The following PKHD1 variants were observed in gnomAD, a reference collection of about 807,000 sequenced individuals.
PKHD1 encodes the protein PKHD1 ciliary IPT domain containing fibrocystin/polyductin, also known as fibrocystin.
Under a neutral mutation model 412.0 loss-of-function variants are expected in PKHD1, and 291 were observed. The ratio of observed to expected loss-of-function variants is 0.71; its 90% CI spans 0.64 to 0.78. PKHD1 has a LOEUF of 0.78. PKHD1 is among the 30% of genes least tolerant of loss of function. PKHD1 has a pLI of 0.00. For synonymous variants in PKHD1, 1,777 were observed against 1,821.5 expected (o/e 0.98, Z 0.62); for missense variants, 4,825 against 4,950.7 (o/e 0.97, Z 0.76).
At chr6:51,794,889 T>C (rs1350197420) in intron 52 of PKHD1, among the ~76,000 whole-genome samples, 1 of 152,180 alleles carries the variant, frequency 6.6e-6, no homozygotes, top group Non-Finnish European at 1.5e-5. Context: ...TGTCTGTTCT[T>C]GTACCAGTAC....
chr6:52,059,483 A>G (rs1440913707), intron 15 of PKHD1, among the ~76,000 whole-genome samples: 1 of 151,898 alleles, frequency 6.6e-6, no homozygotes, highest in Non-Finnish European at 1.5e-5. Flanking sequence ...TCCTGGGCTC[A>G]AGTGATCTGC....
chr6:51,766,285 A>G (rs1562263345), intron 55 of PKHD1, among the ~76,000 whole-genome samples: 1 of 152,088 alleles, frequency 6.6e-6, no homozygotes, highest in African/African-American at 2.4e-5. Flanking sequence ...CATTTCACCA[A>G]CAGGGATCCT....
intron 60 of PKHD1, among the ~76,000 whole-genome samples, chr6:51,738,121 CAGCACGCGTGG>C (rs1784092438): frequency 6.6e-6 from 1 of 152,144 alleles, no homozygotes; most frequent in Admixed American, 6.5e-5. Context: ...GTTTGTGGGC[CAGCACGCGTGG>C]AGCAGCTACC....
At chr6:51,623,291 T>A (rs1766852931) in intron 66 of PKHD1, among the ~76,000 whole-genome samples, 1 of 152,162 alleles carries the variant, frequency 6.6e-6, no homozygotes, top group Non-Finnish European at 1.5e-5. Flanking sequence ...CTCTTTATAC[T>A]ATTTAATAAA....
intron 60 of PKHD1, among the ~76,000 whole-genome samples, chr6:51,672,968 G>A (rs993894826): frequency 2.6e-5 from 4 of 152,156 alleles, no homozygotes; most frequent in Non-Finnish European, 4.4e-5. Context: ...AAGCATACCT[G>A]ATAGAAATAC....
chr6:51,989,887 AGG>A, intron 35 of PKHD1, among the ~76,000 whole-genome samples: 2 of 39,222 alleles, frequency 5.1e-5, no homozygotes, highest in African/African-American at 1.5e-4. Flanking sequence ...GAGAAAAGGA[AGG>A]AAGGAAGGAG....
intron 33 of PKHD1, among the ~76,000 whole-genome samples, chr6:52,019,251 G>A (rs1055376752): frequency 6.6e-6 from 1 of 152,240 alleles, no homozygotes; most frequent in Non-Finnish European, 1.5e-5. Context: ...CGTGGGCTTA[G>A]ACCTGTGCTT....
At position 51,772,727 on chromosome 6, in the gene PKHD1, C is replaced by T. The variant is rs775559924; in HGVS notation, c.8617G>A (p.Ala2873Thr). 1.0e-5 allele frequency: 16 copies of T among 1,594,858 alleles called. No individual in the cohort carries two copies. Among genetic ancestry groups the T allele is most frequent in the Non-Finnish European group, 1.4e-5 (16 of 1,163,270 alleles). Residue 2873 changes from alanine (A) to threonine (T), a missense_variant, in exon 55 of 67, where the codon GCT (alanine) becomes ACT (threonine). Transcript: ENST00000371117. The stretch of plus-strand genomic sequence containing the variant: ...CTCTCATTTCCTGAGGCAATATCAG[C>T]TCCAAGATGTGTCCAGGAGTTCTTA... The part of the protein sequence containing the change: ...YPKNSWTHLG[A>T]DIASGNERII...
At chr6:51,736,611 T>C (rs534707134) in intron 60 of PKHD1, among the ~76,000 whole-genome samples, 1 of 152,316 alleles carries the variant, frequency 6.6e-6, no homozygotes, top group African/African-American at 2.4e-5. Flanking sequence ...TAAAGAGCTA[T>C]ATACCAAGCT....
At chr6:52,059,828 A>T (rs545947442) in intron 15 of PKHD1, 100 bp downstream of exon 15, 1 of 734,000 alleles carries the variant, frequency 1.4e-6, no homozygotes, top group African/African-American at 1.7e-5. Flanking sequence ...TGGCATGTTA[A>T]ACTATCTGTA....
At chr6:51,807,453 AAAAAAATATAT>A (rs1171942790) in intron 52 of PKHD1, among the ~76,000 whole-genome samples, 20 of 42,884 alleles carry the variant, frequency 4.7e-4, no homozygotes, top group South Asian at 3.8e-3. Flanking sequence ...AAAAAAAAAA[AAAAAAATATAT>A]ATATATATAT....
intron 60 of PKHD1, among the ~76,000 whole-genome samples, chr6:51,717,394 G>A (rs1042337073): frequency 4.0e-4 from 59 of 147,864 alleles, no homozygotes; most frequent in Admixed American, 9.4e-4. Flanking sequence ...TCTGGGGGTC[G>A]AGAGCAAAAC....
intron 49 of PKHD1, among the ~76,000 whole-genome samples, chr6:51,854,379 C>T (rs934671075): frequency 6.6e-6 from 1 of 152,126 alleles, no homozygotes; most frequent in Admixed American, 6.5e-5. Flanking sequence ...TGTCTGACAA[C>T]CTCTGTTGGA....
intron 37 of PKHD1, among the ~76,000 whole-genome samples, chr6:51,918,878 G>A (rs749139114): frequency 6.6e-6 from 1 of 151,550 alleles, no homozygotes; most frequent in Non-Finnish European, 1.5e-5. Context: ...ATGGTATATT[G>A]ACCAGTAATG....
chr6:51,722,375 T>C (rs1464438454), intron 60 of PKHD1, among the ~76,000 whole-genome samples: 4 of 152,208 alleles, frequency 2.6e-5, no homozygotes, highest in East Asian at 3.8e-4. Context: ...AGAAAGCTTA[T>C]ATAAACGAAA....
At chr6:51,866,454 C>A (rs1197186009) in intron 48 of PKHD1, among the ~76,000 whole-genome samples, 1 of 152,114 alleles carries the variant, frequency 6.6e-6, no homozygotes, top group Non-Finnish European at 1.5e-5. Context: ...GGGATCATGA[C>A]CTGCCAAGGC....
At chr6:51,710,166 C>T (rs1424524071) in intron 60 of PKHD1, among the ~76,000 whole-genome samples, 1 of 152,092 alleles carries the variant, frequency 6.6e-6, no homozygotes, top group African/African-American at 2.4e-5. Context: ...GCCAAGATGG[C>T]ACCACTGCAC....
intron 27 of PKHD1, among the ~76,000 whole-genome samples, chr6:52,036,065 T>G (rs1485624251): frequency 2.0e-5 from 3 of 152,144 alleles, no homozygotes; most frequent in Non-Finnish European, 4.4e-5. Context: ...TAAAACATAT[T>G]CTTTTCCTAA....
chr6:51,867,913 A>G lies in PKHD1; in HGVS notation c.7683T>C (p.His2561=). Residue 2561 remains histidine, a synonymous_variant, in exon 48 of 67, where the codon CAT becomes CAC. Transcript: ENST00000371117. The part of the protein sequence containing the change: ...LVNSSFGRVV[H]GSACGGGVLF... ...GAACACCTCCTCCACAGGCACTGCC[A>G]TGGACAACCCGACCAAAGCTTGAAT... is the stretch of plus-strand genomic sequence containing the variant. 6.2e-7 allele frequency: 1 copy of G among 1,613,220 alleles called. No individual in the cohort carries two copies. Among genetic ancestry groups the G allele is most frequent in the Non-Finnish European group, 8.5e-7 (1 of 1,179,262 alleles).
Sources: allele counts gnomAD v4.1 joint callset (sites outside exome capture counted in the v4.1 genomes callset), GRCh38; gene constraint gnomAD v4.1.1; transcripts MANE v1.5; gene names NCBI Gene and HGNC (gene_info 2026-07-23, HGNC 2026-07-21).